FAM185A: variants seen among roughly 807,000 people sequenced by gnomAD.
FAM185A encodes the protein protein FAM185A.
FAM185A carries 21 observed loss-of-function variants against 45.7 expected under a neutral mutation model. The ratio of observed to expected loss-of-function variants is 0.46; its 90% CI spans 0.33 to 0.66. The LOEUF is 0.66. Among genes scored for constraint, FAM185A ranks in the 30% least tolerant of loss-of-function variants. The pLI is 0.03. For missense variants in FAM185A, 305 were observed against 485.4 expected, an observed-to-expected ratio of 0.63 and a Z score of 3.49; for synonymous variants, 117 against 194.0, an observed-to-expected ratio of 0.60 and a Z score of 3.30.
At chr7:102,796,998 A>G (rs1283296285) in intron 7 of FAM185A, among the ~76,000 whole-genome samples, 4 of 152,248 alleles carry the variant, frequency 2.6e-5, no homozygotes, top group African/African-American at 9.6e-5. Context: ...ATACTTCCTC[A>G]GTATACTCTT....
chr7:102,781,772 C>T (rs542609201), intron 6 of FAM185A, among the ~76,000 whole-genome samples: 25 of 152,316 alleles, frequency 1.6e-4, no homozygotes, highest in African/African-American at 5.3e-4. Flanking sequence ...TAGAGGAACG[C>T]GGCTCCTCAC....
At chr7:102,790,660 T>C (rs1008404474) in intron 7 of FAM185A, among the ~76,000 whole-genome samples, 16 of 152,256 alleles carry the variant, frequency 1.1e-4, no homozygotes, top group African/African-American at 3.4e-4. Context: ...TAGATTTAGT[T>C]TTAAAACTAT....
intron 1 of FAM185A, among the ~76,000 whole-genome samples, chr7:102,751,396 A>C (rs929620837): frequency 6.6e-6 from 1 of 152,098 alleles, no homozygotes; most frequent in Non-Finnish European, 1.5e-5. Flanking sequence ...AGAGGCTTCT[A>C]CAGTCTTTCA....
At chr7:102,845,875 A>T in the FAM185A span, among the ~76,000 whole-genome samples, 2 of 152,202 alleles carry the variant, frequency 1.3e-5, no homozygotes, top group East Asian at 1.9e-4. Flanking sequence ...ACCTCGCCTG[A>T]ATCCTCCCAT....
At chr7:102,841,929 A>C in the FAM185A span, among the ~76,000 whole-genome samples, 1 of 152,128 alleles carries the variant, frequency 6.6e-6, no homozygotes, top group South Asian at 2.1e-4. Context: ...TTTCTCCACA[A>C]GCTACCAGAT....
intron 6 of FAM185A, among the ~76,000 whole-genome samples, chr7:102,782,123 A>G (rs1315037121): frequency 2.0e-5 from 3 of 151,944 alleles, no homozygotes; most frequent in Non-Finnish European, 1.5e-5. Flanking sequence ...AGAAATGAAC[A>G]AAACCTCCAA....
downstream of FAM185A, among the ~76,000 whole-genome samples, chr7:102,812,727 GTCT>G (rs1010811204): frequency 3.3e-5 from 5 of 151,540 alleles, no homozygotes; most frequent in African/African-American, 9.7e-5. Context: ...TGTCAAAAAA[GTCT>G]CATCTCTCAG....
the FAM185A span, among the ~76,000 whole-genome samples, chr7:102,829,737 G>A: frequency 6.6e-6 from 1 of 152,182 alleles, no homozygotes. Context: ...GGAAAAGCCG[G>A]CCTTTCTGGG....
intron 7 of FAM185A, among the ~76,000 whole-genome samples, chr7:102,793,113 G>T (rs1199200710): frequency 2.6e-5 from 4 of 152,228 alleles, no homozygotes; most frequent in African/African-American, 9.6e-5. Context: ...AATGAAGAAT[G>T]CTCTAAGGCT....
intron 7 of FAM185A, among the ~76,000 whole-genome samples, chr7:102,805,442 A>T (rs1797052940): frequency 6.6e-6 from 1 of 152,104 alleles, no homozygotes; most frequent in South Asian, 2.1e-4. Flanking sequence ...GGAAAACTAA[A>T]CATCATAGGC....
chr7:102,823,489 C>T, the FAM185A span, among the ~76,000 whole-genome samples: 20 of 152,256 alleles, frequency 1.3e-4, no homozygotes, highest in South Asian at 6.2e-4. Flanking sequence ...ACACAAATCC[C>T]GCTCTGAAAT....
intron 6 of FAM185A, among the ~76,000 whole-genome samples, chr7:102,785,688 A>C (rs1795743590): frequency 1.3e-5 from 2 of 152,226 alleles, no homozygotes; most frequent in Non-Finnish European, 2.9e-5. Flanking sequence ...TTCAAGATGG[A>C]TTAAAGACTT....
chr7:102,834,123 AAAGAAAGAAAG>A, the FAM185A span, among the ~76,000 whole-genome samples: 710 of 112,782 alleles, frequency 6.3e-3, 12 homozygotes, highest in African/African-American at 0.023. Context: ...AGAAAGAAAG[AAAGAAAGAAAG>A]AAAGAAAAGA....
At chr7:102,810,657 G>A (rs905180637), downstream of FAM185A, among the ~76,000 whole-genome samples, 3 of 151,950 alleles carry the variant, frequency 2.0e-5, no homozygotes, top group Non-Finnish European at 2.9e-5. Context: ...GCAGTGGCAT[G>A]ATCATAGCTC....
chr7:102,822,148 A>C, the FAM185A span: 2 of 1,614,250 alleles, frequency 1.2e-6, no homozygotes, highest in Non-Finnish European at 1.7e-6. Context: ...AGAGATATCC[A>C]AAATGTGCAG....
At position 102,808,754 on chromosome 7, in the gene FAM185A, G is replaced by A; in HGVS notation, c.*352G>A. ...ACTTCCAACTTCATTCAGATTATTG[G>A]GAAAATCCAGTTCCTTGTGACTGGA... On this transcript the variant is annotated 3_prime_UTR_variant, in exon 8 of 8. Transcript: ENST00000413034. 1 of 208,746 alleles carries A rather than the reference G, an allele frequency of 4.8e-6. No individual in the cohort carries two copies. Among genetic ancestry groups the A allele is most frequent in the Non-Finnish European group, 9.8e-6 (1 of 102,366 alleles). 12.9% of individuals were successfully genotyped at this position (208,746 alleles called of 1,614,324 possible).
At chr7:102,847,141 G>A in the FAM185A span, among the ~76,000 whole-genome samples, 1 of 151,998 alleles carries the variant, frequency 6.6e-6, no homozygotes, top group Non-Finnish European at 1.5e-5. Context: ...TTGGGAAGTT[G>A]CGACAGAGAC....
intron 3 of FAM185A, among the ~76,000 whole-genome samples, chr7:102,759,756 T>C (rs1356801435): frequency 2.0e-5 from 3 of 151,990 alleles, no homozygotes; most frequent in African/African-American, 4.8e-5. Flanking sequence ...AAATCCTCTA[T>C]TAAGAGGATT....
the FAM185A span, among the ~76,000 whole-genome samples, chr7:102,829,998 T>C: frequency 6.6e-6 from 1 of 152,198 alleles, no homozygotes; most frequent in African/African-American, 2.4e-5. Context: ...ATTCAGATGG[T>C]AAAGCTAAAT....
Sources: allele counts gnomAD v4.1 joint callset (sites outside exome capture counted in the v4.1 genomes callset), GRCh38; gene constraint gnomAD v4.1.1; transcripts MANE v1.5; gene names NCBI Gene and HGNC (gene_info 2026-07-23, HGNC 2026-07-21).